The following SPINK4 variants were observed in gnomAD, a reference collection of about 807,000 sequenced individuals.
The protein encoded by SPINK4 is serine protease inhibitor Kazal-type 4.
In SPINK4, 10 loss-of-function variants were observed where a neutral mutation model predicts 12.3. The ratio of observed to expected loss-of-function variants is 0.81; its 90% CI spans 0.50 to 1.37. SPINK4 has a LOEUF of 1.37. SPINK4 is among the 40% of genes most tolerant of loss of function. The pLI is 0.00. For synonymous variants in SPINK4, 37 were observed against 40.2 expected (o/e 0.92, Z 0.30); for missense variants, 91 against 109.0 (o/e 0.84, Z 0.73).
intron 2 of SPINK4, among the ~76,000 whole-genome samples, chr9:33,246,172 G>C (rs571953531): frequency 6.6e-6 from 1 of 152,146 alleles, no homozygotes. Context: ...GAGAGTTCAG[G>C]AGCCCCCAGG....
chr9:33,242,116 G>T (rs752444915), intron 1 of SPINK4, among the ~76,000 whole-genome samples: 31 of 152,168 alleles, frequency 2.0e-4, no homozygotes, highest in Non-Finnish European at 2.9e-4. Context: ...CCAACCCCAA[G>T]ATTTGCCCGC....
chr9:33,243,854 C>T (rs1030648474), intron 1 of SPINK4, among the ~76,000 whole-genome samples: 3 of 152,148 alleles, frequency 2.0e-5, no homozygotes, highest in African/African-American at 7.2e-5. Context: ...ATAGCATCTC[C>T]AGGAAAATAT....
At chr9:33,244,520 C>T (rs926983578) in intron 1 of SPINK4, among the ~76,000 whole-genome samples, 4 of 152,120 alleles carry the variant, frequency 2.6e-5, no homozygotes, top group African/African-American at 9.7e-5. Context: ...GGGGATCAGG[C>T]CCTTTGTAAC....
intron 1 of SPINK4, among the ~76,000 whole-genome samples, chr9:33,244,477 G>T (rs761661565): frequency 6.6e-6 from 1 of 152,174 alleles, no homozygotes; most frequent in East Asian, 1.9e-4. Context: ...CACAACAGAG[G>T]CTTCAGATGA....
chr9:33,246,766 C>A, intron 3 of SPINK4, 38 bp downstream of exon 3: 3 of 1,563,984 alleles, frequency 1.9e-6, no homozygotes, highest in Non-Finnish European at 2.6e-6. Flanking sequence ...CTTGGGTGGG[C>A]CCCATCTCTG....
intron 3 of SPINK4, 67 bp downstream of exon 3, chr9:33,246,795 G>A (rs1348647145): frequency 7.7e-6 from 11 of 1,422,150 alleles, no homozygotes; most frequent in South Asian, 6.9e-5. Flanking sequence ...TCTGAAAGGA[G>A]CAAGACTTGA....
chr9:33,247,543 A>G (rs186450214), intron 3 of SPINK4, among the ~76,000 whole-genome samples: 2 of 152,290 alleles, frequency 1.3e-5, no homozygotes, highest in East Asian at 3.9e-4. Flanking sequence ...GGAGCAAGGG[A>G]AGATAATTCC....
intron 3 of SPINK4, 137 bp downstream of exon 3, chr9:33,246,865 T>G: frequency 1.5e-6 from 1 of 673,822 alleles, no homozygotes; most frequent in East Asian, 2.8e-5. Flanking sequence ...ATGCCCCTAA[T>G]AGAATGAGTG....
Position 33,247,378 on chromosome 9 carries a change from G to A in SPINK4, c.215+650G>A, listed in dbSNP as rs551032948. ...ACATGGGGTTTCACCATGTTGGCCA[G>A]GCTGGTCTCGAACTCCCGATCTCAA... On this transcript the variant is annotated intron_variant, in intron 3 of 3. Transcript: ENST00000379721. Among the ~76,000 whole-genome samples, 4 of 150,718 alleles carry A rather than the reference G, an allele frequency of 2.7e-5. No homozygotes were observed. In the East Asian group the frequency reaches 7.8e-4, roughly 29 times the overall value.
chr9:33,245,423 C>A (rs28366745), intron 2 of SPINK4, among the ~76,000 whole-genome samples: 9,402 of 152,172 alleles, frequency 0.062, 924 homozygotes, highest in African/African-American at 0.21. Flanking sequence ...AGTGAGATCT[C>A]CCCACCCAGG....
intron 1 of SPINK4, among the ~76,000 whole-genome samples, chr9:33,244,045 T>G (rs1234707161): frequency 6.6e-6 from 1 of 152,022 alleles, no homozygotes; most frequent in Non-Finnish European, 1.5e-5. Context: ...AAAGAGTCCA[T>G]CTCTCCCTCA....
intron 1 of SPINK4, among the ~76,000 whole-genome samples, chr9:33,241,438 G>T (rs78200153): frequency 0.022 from 3,372 of 152,220 alleles, 146 homozygotes; most frequent in African/African-American, 0.077. Context: ...GTTAGGACCC[G>T]CCTGGACAAA....
chr9:33,245,037 CAGA>C, intron 1 of SPINK4, 72 bp from the exon 2 acceptor site: 1 of 1,466,378 alleles, frequency 6.8e-7, no homozygotes, highest in Non-Finnish European at 9.3e-7. Flanking sequence ...CTCCCTGAAG[CAGA>C]AGCAGTCCTC....
At chr9:33,242,248 G>C (rs1277897313) in intron 1 of SPINK4, among the ~76,000 whole-genome samples, 1 of 152,214 alleles carries the variant, frequency 6.6e-6, no homozygotes, top group South Asian at 2.1e-4. Flanking sequence ...ACCCCAAGGA[G>C]CTCAGGTGCA....
chr9:33,242,450 GC>G (rs33911491), intron 1 of SPINK4, among the ~76,000 whole-genome samples: 53,599 of 151,856 alleles, frequency 0.35, 12,043 homozygotes, highest in African/African-American at 0.65. Flanking sequence ...AGGGGACATG[GC>G]ATGAGCCAAA....
intron 1 of SPINK4, among the ~76,000 whole-genome samples, chr9:33,243,556 T>TG (rs1820259807): frequency 1.3e-5 from 2 of 152,204 alleles, no homozygotes; most frequent in African/African-American, 4.8e-5. Flanking sequence ...CTTTTGTGTG[T>TG]GGTTTCTTAT....
chr9:33,248,265 T>C, intron 3 of SPINK4, 161 bp from the exon 4 acceptor site: 2 of 652,706 alleles, frequency 3.1e-6, no homozygotes, highest in Non-Finnish European at 5.2e-6. Context: ...GGAAAAGCTG[T>C]AGAAGGATGT....
chr9:33,245,143 C>T lies in SPINK4; in HGVS notation c.93C>T (p.Phe31=). The stretch of plus-strand genomic sequence containing the variant: ...CAGTGGCAGCAGGAAAGCTCCCTTT[C>T]TCAAGAATGGTAAGGCAGCTGCGTG... The part of the protein sequence containing the change: ...EVPVAAGKLP[F]SRMPICEHMV... Residue 31 remains phenylalanine, a synonymous_variant, in exon 2 of 4, where the codon TTC becomes TTT. Transcript: ENST00000379721. 6.2e-7 allele frequency: 1 copy of T among 1,613,798 alleles called. No individual in the cohort carries two copies. The highest frequency in any genetic ancestry group is 8.5e-7 in the Non-Finnish European group (1 of 1,179,864).
At chr9:33,240,797 G>T (rs142538034) in intron 1 of SPINK4, among the ~76,000 whole-genome samples, 2 of 152,256 alleles carry the variant, frequency 1.3e-5, no homozygotes, top group East Asian at 3.9e-4. Flanking sequence ...TCAGGATCTG[G>T]GCCATCCCTG....
Sources: gnomAD v4.1 joint callset for allele counts (sites outside exome capture counted in the v4.1 genomes callset) on GRCh38, gnomAD v4.1.1 for gene constraint, MANE v1.5 for transcripts, NCBI Gene and HGNC (gene_info 2026-07-23, HGNC 2026-07-21) for gene names.